The following ALDH7A1 variants were observed in gnomAD, a reference collection of about 807,000 sequenced individuals.
ALDH7A1 encodes alpha-aminoadipic semialdehyde dehydrogenase.
Under a neutral mutation model 79.9 loss-of-function variants are expected in ALDH7A1, and 63 were observed. The observed-to-expected ratio is 0.79, with a 90% CI of 0.64 to 0.97. The LOEUF (loss-of-function observed/expected upper bound fraction) is 0.97. ALDH7A1 is among the 50% of genes least tolerant of loss of function. The probability of loss-of-function intolerance (pLI) is 0.00; values close to 1 mark genes in which losing one functional copy is unlikely to be tolerated. For synonymous variants in ALDH7A1, 240 were observed against 231.2 expected, an observed-to-expected ratio of 1.04 and a Z score of -0.34; for missense variants, 627 against 665.2, an observed-to-expected ratio of 0.94 and a Z score of 0.63.
chr5:126,595,108 TG>T lies in ALDH7A1; in HGVS notation c.90del (p.Thr31LeufsTer12). The stretch of plus-strand genomic sequence containing the variant: ...TACTGGGGCTGATTGATGAGGAGAG[TG>T]GACATGAAGGCGGCAGGCCTGCTCC... ...GPWSRPAAFM[S>X]TLLINQPQYA... On this transcript the variant is annotated frameshift_variant, in exon 1 of 18. Coordinates refer to ENST00000409134, the MANE Select transcript of ALDH7A1 (RefSeq NM_001182.5). LOFTEE classifies it high-confidence loss of function. 6.3e-7 allele frequency: 1 copy of T among 1,592,030 alleles called. No homozygotes were observed. The highest frequency in any genetic ancestry group is 8.6e-7 in the Non-Finnish European group (1 of 1,168,884).
intron 9 of ALDH7A1, chr5:126,567,934 C>A: frequency 2.9e-6 from 1 of 340,540 alleles, no homozygotes; most frequent in Non-Finnish European, 5.7e-6. Context: ...CAGGAGCCCG[C>A]CACCACGCCC....
At chr5:126,550,554 A>T (rs73785355) in intron 14 of ALDH7A1, among the ~76,000 whole-genome samples, 41 of 147,752 alleles carry the variant, frequency 2.8e-4, no homozygotes, top group African/African-American at 8.3e-4. Context: ...ATAATAGCTA[A>T]TATCTATTGA....
At position 126,555,992 on chromosome 5, in the gene ALDH7A1, A is replaced by C; in HGVS notation, c.1032T>G (p.Asp344Glu). ...RRLFIHESIH[D>E]EVVNRLKKAY... ...CCTTTTTAAGTCTGTTTACAACCTCATCATGGATGCTTTCATGTATAAACT... is the reference window on the plus strand; with the variant it reads ...CCTTTTTAAGTCTGTTTACAACCTCCTCATGGATGCTTTCATGTATAAACT... The change falls in exon 12 of 18, where the codon GAT becomes GAG. Residue 344 changes from aspartate (D) to glutamate (E), a missense_variant. Asp to Glu is a conservative substitution (Grantham distance 45). Transcript: ENST00000409134. The C allele has an allele frequency of 6.2e-7, 1 of 1,613,448 alleles. No individual in the cohort carries two copies. The highest frequency in any genetic ancestry group is 8.5e-7 in the Non-Finnish European group (1 of 1,179,558).
Position 126,577,074 on chromosome 5 carries a change from C to G in ALDH7A1, c.650+5G>C, listed in dbSNP as rs201040092. ...CTACTAAATAGGAAAGTGAGCAGGT[C>G]TTACCAGAGGCAGACATTTCCACAG... On this transcript the variant is annotated splice_donor_5th_base_variant and intron_variant, in intron 6 of 17. Coordinates refer to ENST00000409134, the MANE Select transcript of ALDH7A1 (RefSeq NM_001182.5). 11 of 1,613,710 alleles carry G rather than the reference C, an allele frequency of 6.8e-6. No individual in the cohort carries two copies. The highest frequency in any genetic ancestry group is 9.3e-6 in the Non-Finnish European group (11 of 1,180,042).
chr5:126,592,764 A>G (rs1407518335), intron 2 of ALDH7A1, 35 bp from the exon 3 acceptor site: 1 of 1,575,242 alleles, frequency 6.3e-7, no homozygotes, highest in African/African-American at 1.4e-5. Flanking sequence ...AAAGGGGGAA[A>G]TAAAGAGAAA....
At chr5:126,562,819 G>A (rs1414760916) in intron 9 of ALDH7A1, among the ~76,000 whole-genome samples, 1 of 152,174 alleles carries the variant, frequency 6.6e-6, no homozygotes, top group East Asian at 1.9e-4. Context: ...CTGCACTCCA[G>A]TCTGGCAACA....
At chr5:126,579,182 C>A (rs566783738) in intron 5 of ALDH7A1, among the ~76,000 whole-genome samples, 64 of 152,364 alleles carry the variant, frequency 4.2e-4, no homozygotes, top group African/African-American at 1.5e-3. Flanking sequence ...ATCTGCCCTA[C>A]CACTGCACCC....
intron 9 of ALDH7A1, among the ~76,000 whole-genome samples, chr5:126,567,532 G>A (rs1750626373): frequency 6.6e-6 from 1 of 151,502 alleles, no homozygotes; most frequent in African/African-American, 2.4e-5. Context: ...GGAGTGCAGT[G>A]ACGCGATCTC....
chr5:126,566,056 C>T (rs780342387), intron 9 of ALDH7A1, among the ~76,000 whole-genome samples: 57 of 152,206 alleles, frequency 3.7e-4, no homozygotes, highest in Middle Eastern at 3.4e-3. Context: ...TTGTTTTGGC[C>T]TTTTAGGGTC....
chr5:126,546,459 G>A, intron 16 of ALDH7A1, 60 bp from the exon 17 acceptor site: 1 of 1,500,988 alleles, frequency 6.7e-7, no homozygotes, highest in Admixed American at 1.7e-5. Context: ...GCTCATAGTT[G>A]GTATCAATGA....
At chr5:126,545,138 C>T in intron 17 of ALDH7A1, 119 bp from the exon 18 acceptor site, 3 of 741,840 alleles carry the variant, frequency 4.0e-6, no homozygotes, top group Non-Finnish European at 7.1e-6. Flanking sequence ...CAAGTTACAA[C>T]TTTTTAAGAC....
rs115963199 is a variant in ALDH7A1, at chr5:126,548,254, G to A, written c.1489+1675C>T. Among the ~76,000 whole-genome samples, 210 of 152,146 alleles carry A rather than the reference G, an allele frequency of 1.4e-3. 2 individuals are homozygous for A. The highest frequency in any genetic ancestry group is 4.7e-3 in the African/African-American group (197 of 41,526). On this transcript the variant is annotated intron_variant, in intron 16 of 17. Transcript: ENST00000409134. ...AGCCTCAAACTCTTGGCTTAAGCGAGCCTTGCACCTCAGACTCACGAGTAG... is the reference window on the plus strand; with the variant it reads ...AGCCTCAAACTCTTGGCTTAAGCGAACCTTGCACCTCAGACTCACGAGTAG...
rs538628836 is a variant in ALDH7A1, at chr5:126,576,923, A to G, written c.650+156T>C. On this transcript the variant is annotated intron_variant, in intron 6 of 17. Coordinates refer to ENST00000409134, the MANE Select transcript of ALDH7A1 (RefSeq NM_001182.5). The stretch of plus-strand genomic sequence containing the variant: ...GCCAGGGCAACAAGAGTGAAACTCC[A>G]TCTCAAAAAAATAAAATAAAATAAA... 2.4e-3 allele frequency among the ~76,000 whole-genome samples: 366 copies of G among 152,260 alleles called. 5 individuals carry two copies. Among genetic ancestry groups the G allele is most frequent in the Non-Finnish European group, 5.0e-4 (34 of 68,030 alleles).
chr5:126,558,903 A>C (rs1453264054), intron 11 of ALDH7A1, among the ~76,000 whole-genome samples: 1 of 152,212 alleles, frequency 6.6e-6, no homozygotes, highest in Non-Finnish European at 1.5e-5. Flanking sequence ...TAGTTTAATA[A>C]TTCTTTTTAT....
Position 126,546,393 on chromosome 5 carries a change from TCTC to T in ALDH7A1, c.1493_1495del (p.Gly498del), listed in dbSNP as rs796052268. 1 of 1,614,130 alleles carries T rather than the reference TCTC, an allele frequency of 6.2e-7. No homozygotes were observed. Among genetic ancestry groups the T allele is most frequent in the Non-Finnish European group, 8.5e-7 (1 of 1,179,972 alleles). ...CTCCCTGCCACCACCAGTGTGCTTT[TCTC>T]CTCCTAGAGAAATAAAAAATAATAT... On this transcript the variant is annotated inframe_deletion, in exon 17 of 18. Coordinates refer to ENST00000409134, the MANE Select transcript of ALDH7A1 (RefSeq NM_001182.5).
intron 8 of ALDH7A1, 129 bp from the exon 9 acceptor site, chr5:126,568,485 G>A (rs1750668559): frequency 1.2e-6 from 1 of 820,936 alleles, no homozygotes; most frequent in Non-Finnish European, 2.1e-6. Flanking sequence ...TCTGTCCCAG[G>A]GGAGCAAGGG....
chr5:126,547,985 G>A (rs910398277), intron 16 of ALDH7A1, among the ~76,000 whole-genome samples: 73 of 151,460 alleles, frequency 4.8e-4, no homozygotes, highest in African/African-American at 1.7e-3. Context: ...TGGGGAGGTG[G>A]ATGTTGCAGC....
At chr5:126,555,793 A>G in intron 12 of ALDH7A1, 138 bp downstream of exon 12, 1 of 705,648 alleles carries the variant, frequency 1.4e-6, no homozygotes, top group Non-Finnish European at 2.5e-6. Flanking sequence ...GACACGATAC[A>G]CCAAAGCCTA....
At chr5:126,590,535 G>A (rs1374116351) in intron 3 of ALDH7A1, among the ~76,000 whole-genome samples, 1 of 152,108 alleles carries the variant, frequency 6.6e-6, no homozygotes, top group Admixed American at 6.6e-5. Flanking sequence ...GAGTGACAGA[G>A]TGAGACTCCG....
Sources: allele counts gnomAD v4.1 joint callset (sites outside exome capture counted in the v4.1 genomes callset), GRCh38; gene constraint gnomAD v4.1.1; transcripts MANE v1.5; gene names NCBI Gene and HGNC (gene_info 2026-07-23, HGNC 2026-07-21).